Variants in PARD3 observed in about 807,000 individuals in gnomAD.
PARD3 encodes the protein partitioning defective 3 homolog.
In PARD3, 75 loss-of-function variants were observed where a neutral mutation model predicts 155.4. The observed-to-expected ratio is 0.48, with a 90% CI of 0.40 to 0.58. The LOEUF is 0.58. Ranked by LOEUF, PARD3 falls within the 20% of genes least tolerant of loss-of-function variation. The pLI is 0.00. For missense variants in PARD3, 1,642 were observed against 1,721.7 expected (o/e 0.95, Z 0.82); for synonymous variants, 576 against 610.5 (o/e 0.94, Z 0.83).
chr10:34,166,850 T>A (rs769838179), intron 22 of PARD3, among the ~76,000 whole-genome samples: 1 of 152,170 alleles, frequency 6.6e-6, no homozygotes. Context: ...TGTTTTTTCC[T>A]CCATTTCTCC....
At chr10:34,426,337 A>G (rs1268475184) in intron 5 of PARD3, among the ~76,000 whole-genome samples, 1 of 152,218 alleles carries the variant, frequency 6.6e-6, no homozygotes, top group Non-Finnish European at 1.5e-5. Flanking sequence ...TACTCATAGC[A>G]TTTTCAATAT....
chr10:34,748,805 G>A (rs1835633983), intron 1 of PARD3, among the ~76,000 whole-genome samples: 1 of 152,152 alleles, frequency 6.6e-6, no homozygotes, highest in African/African-American at 2.4e-5. Context: ...GTAGAGGTGG[G>A]TGATGGTGCC....
chr10:34,738,000 C>T (rs909889242), intron 1 of PARD3, among the ~76,000 whole-genome samples: 4 of 152,166 alleles, frequency 2.6e-5, no homozygotes, highest in African/African-American at 7.2e-5. Flanking sequence ...CAGATGGGGG[C>T]GTCTTGCTGA....
chr10:34,201,197 T>C (rs74891339), intron 22 of PARD3, among the ~76,000 whole-genome samples: 2 of 152,344 alleles, frequency 1.3e-5, no homozygotes, highest in Admixed American at 6.5e-5. Context: ...TGCAGTCATG[T>C]ACCTTGGGGG....
chr10:34,355,260 G>A (rs1471049168), intron 14 of PARD3, among the ~76,000 whole-genome samples: 6 of 152,116 alleles, frequency 3.9e-5, no homozygotes, highest in African/African-American at 1.2e-4. Flanking sequence ...ATGGGAAGTC[G>A]AGGCTACAGT....
At chr10:34,466,624 C>A (rs1159320601) in intron 4 of PARD3, among the ~76,000 whole-genome samples, 4 of 152,098 alleles carry the variant, frequency 2.6e-5, no homozygotes, top group Non-Finnish European at 4.4e-5. Flanking sequence ...TTTATTTCTA[C>A]AATTTTATAC....
At chr10:34,445,698 T>A (rs2076700830) in intron 5 of PARD3, among the ~76,000 whole-genome samples, 2 of 152,060 alleles carry the variant, frequency 1.3e-5, no homozygotes, top group South Asian at 4.2e-4. Flanking sequence ...AGTAGAATCA[T>A]AAAAGTTATA....
At chr10:34,697,367 T>C (rs1162759296) in intron 1 of PARD3, among the ~76,000 whole-genome samples, 3 of 152,222 alleles carry the variant, frequency 2.0e-5, no homozygotes, top group Non-Finnish European at 4.4e-5. Context: ...TGATGTTTGA[T>C]ACAGTTCTTT....
chr10:34,612,007 T>C (rs1352999786), intron 2 of PARD3, among the ~76,000 whole-genome samples: 2 of 148,728 alleles, frequency 1.3e-5, no homozygotes, highest in East Asian at 2.1e-4. Flanking sequence ...TTTGTATTTT[T>C]AGTAGAGACG....
chr10:34,740,844 T>C (rs1226190392), intron 1 of PARD3, among the ~76,000 whole-genome samples: 1 of 152,088 alleles, frequency 6.6e-6, no homozygotes, highest in East Asian at 1.9e-4. Context: ...GGGTAAACAG[T>C]GGTTAAATTT....
chr10:34,169,286 A>G (rs1235466157), intron 22 of PARD3, among the ~76,000 whole-genome samples: 1 of 152,232 alleles, frequency 6.6e-6, no homozygotes, highest in African/African-American at 2.4e-5. Flanking sequence ...AAGATAAAAT[A>G]TAGAGCACAG....
chr10:34,448,684 T>C (rs960600845), intron 5 of PARD3, among the ~76,000 whole-genome samples: 1 of 151,900 alleles, frequency 6.6e-6, no homozygotes, highest in Admixed American at 6.6e-5. Context: ...TGTACATGTA[T>C]AGTCCTAGCT....
intron 2 of PARD3, among the ~76,000 whole-genome samples, chr10:34,672,675 C>T (rs1309833924): frequency 6.6e-6 from 1 of 152,158 alleles, no homozygotes; most frequent in Non-Finnish European, 1.5e-5. Flanking sequence ...AGAGCGAGGC[C>T]CTATTTCTAA....
intron 1 of PARD3, among the ~76,000 whole-genome samples, chr10:34,808,712 T>G (rs1303306770): frequency 6.6e-6 from 1 of 152,196 alleles, no homozygotes; most frequent in Non-Finnish European, 1.5e-5. Context: ...CCCAACTCTG[T>G]GGGGAGGTAG....
chr10:34,186,428 G>T (rs1174826662), intron 22 of PARD3, among the ~76,000 whole-genome samples: 1 of 151,776 alleles, frequency 6.6e-6, no homozygotes, highest in African/African-American at 2.4e-5. Flanking sequence ...CAAACACTGG[G>T]ATTTTCAGGT....
chr10:34,115,910 C>T (rs994145016), intron 24 of PARD3, among the ~76,000 whole-genome samples: 1 of 152,134 alleles, frequency 6.6e-6, no homozygotes, highest in Non-Finnish European at 1.5e-5. Flanking sequence ...GACAAGGTTT[C>T]ACCGTGTTAG....
At chr10:34,455,713 G>T (rs987149564) in intron 4 of PARD3, among the ~76,000 whole-genome samples, 1 of 152,070 alleles carries the variant, frequency 6.6e-6, no homozygotes. Flanking sequence ...TAAACTAAAT[G>T]CCTATTAAGA....
Position 34,448,918 on chromosome 10 carries a change from CT to C in PARD3, c.714+1398del, listed in dbSNP as rs751029992. ...CTATGTAATGTGATGGATAAATTATCTTTTTTTTTTTTTTTTTTGAGAGAGA... is the reference window on the plus strand; with the variant it reads ...CTATGTAATGTGATGGATAAATTATCTTTTTTTTTTTTTTTTTGAGAGAGA... On this transcript the variant is annotated intron_variant, in intron 5 of 24. Transcript: ENST00000374788. Among the ~76,000 whole-genome samples the C allele has an allele frequency of 3.9e-3, 517 of 133,780 alleles. 1 individual carries two copies. Among genetic ancestry groups the C allele is most frequent in the African/African-American group, 5.8e-3 (197 of 33,832 alleles). The allele number at this position is 133,780 out of a possible 152,430, so 87.8% of individuals were successfully genotyped here. A position where few individuals can be genotyped will look rare whatever the true frequency, so the allele number is the denominator to read the frequency against.
chr10:34,274,221 T>C (rs945791500), intron 21 of PARD3, among the ~76,000 whole-genome samples: 1 of 152,178 alleles, frequency 6.6e-6, no homozygotes, highest in Non-Finnish European at 1.5e-5. Flanking sequence ...AAACAGCAAC[T>C]CAAATTCTAA....
Sources: allele counts gnomAD v4.1 joint callset (sites outside exome capture counted in the v4.1 genomes callset), GRCh38; gene constraint gnomAD v4.1.1; transcripts MANE v1.5; gene names NCBI Gene and HGNC (gene_info 2026-07-23, HGNC 2026-07-21).